Variants in DLG2 observed in about 807,000 individuals in gnomAD.
DLG2 encodes discs large MAGUK scaffold protein 2.
DLG2 carries 45 observed loss-of-function variants against 132.5 expected under a neutral mutation model. That is an observed-to-expected ratio of 0.34 (90% CI 0.27 to 0.44). The LOEUF is 0.44. Ranked by LOEUF, DLG2 falls within the 20% of genes least tolerant of loss-of-function variation. DLG2 has a pLI of 1.00. For synonymous variants in DLG2, 424 were observed against 419.6 expected, an observed-to-expected ratio of 1.01 and a Z score of -0.13; for missense variants, 1,045 against 1,196.9, an observed-to-expected ratio of 0.87 and a Z score of 1.87.
chr11:85,230,515 A>C (rs1395852241), intron 4 of DLG2, among the ~76,000 whole-genome samples: 2 of 151,718 alleles, frequency 1.3e-5, no homozygotes, highest in African/African-American at 2.4e-5. Flanking sequence ...TTCTAGGATG[A>C]CTTTTTTCTT....
At chr11:84,905,993 C>T (rs1453338040) in intron 6 of DLG2, among the ~76,000 whole-genome samples, 1 of 152,126 alleles carries the variant, frequency 6.6e-6, no homozygotes, top group Non-Finnish European at 1.5e-5. Context: ...GTATAAACCT[C>T]ATCTGGCAGT....
At chr11:84,529,606 A>C (rs531207499) in intron 7 of DLG2, among the ~76,000 whole-genome samples, 7 of 152,332 alleles carry the variant, frequency 4.6e-5, no homozygotes, top group South Asian at 2.1e-4. Context: ...AGATCTCTAC[A>C]ACACGGATGA....
At chr11:85,247,859 T>G (rs1490133748) in intron 4 of DLG2, among the ~76,000 whole-genome samples, 1 of 152,112 alleles carries the variant, frequency 6.6e-6, no homozygotes, top group Non-Finnish European at 1.5e-5. Context: ...GATCCTTCTA[T>G]TTCAATGTCT....
At chr11:83,840,764 G>A (rs2057354488) in intron 16 of DLG2, among the ~76,000 whole-genome samples, 2 of 152,240 alleles carry the variant, frequency 1.3e-5, no homozygotes, top group South Asian at 2.1e-4. Context: ...CTGCCAGTGT[G>A]AGACTCTGCC....
intron 3 of DLG2, among the ~76,000 whole-genome samples, chr11:85,458,643 C>T (rs1467644135): frequency 6.6e-6 from 1 of 152,132 alleles, no homozygotes; most frequent in Non-Finnish European, 1.5e-5. Flanking sequence ...TGTGCAAGGT[C>T]TTATTTGTAG....
chr11:84,466,792 C>T (rs2099095583), intron 7 of DLG2, among the ~76,000 whole-genome samples: 1 of 151,222 alleles, frequency 6.6e-6, no homozygotes, highest in African/African-American at 2.4e-5. Context: ...TATAGCCATA[C>T]CTCTGTAAAT....
chr11:84,864,540 C>T (rs1429513127), intron 6 of DLG2, among the ~76,000 whole-genome samples: 2 of 152,088 alleles, frequency 1.3e-5, no homozygotes, highest in Non-Finnish European at 2.9e-5. Context: ...CCATTGCCAC[C>T]ATATTTGCAC....
intron 6 of DLG2, among the ~76,000 whole-genome samples, chr11:84,725,646 T>C (rs2062357826): frequency 6.6e-6 from 1 of 152,096 alleles, no homozygotes; most frequent in African/African-American, 2.4e-5. Context: ...CGAACAAATA[T>C]ACTCAAAGTC....
chr11:83,461,328 G>A (rs1051944467), intron 27 of DLG2, among the ~76,000 whole-genome samples: 2 of 151,878 alleles, frequency 1.3e-5, no homozygotes, highest in Admixed American at 6.6e-5. Flanking sequence ...TTAAACCTCC[G>A]GGAACCAGGT....
Position 85,185,425 on chromosome 11 carries a change from G to A in DLG2, c.187-30774C>T, listed in dbSNP as rs897944285. Among the ~76,000 whole-genome samples the A allele has an allele frequency of 5.3e-5, 8 of 151,960 alleles. 1 individual carries two copies. The South Asian group carries it at 6.2e-4, about 12-fold the overall frequency. The stretch of plus-strand genomic sequence containing the variant: ...GGAAGTCTTCCACTAATTTATGCAC[G>A]CACACTTTTCTTTTAGTAGCATAAC... On this transcript the variant is annotated intron_variant, in intron 4 of 27. Coordinates refer to ENST00000376104, the MANE Select transcript of DLG2 (RefSeq NM_001142699.3).
chr11:84,256,347 G>A (rs899279330), intron 7 of DLG2, among the ~76,000 whole-genome samples: 1 of 152,170 alleles, frequency 6.6e-6, no homozygotes, highest in African/African-American at 2.4e-5. Context: ...GGCAGGAAAT[G>A]TAGAGTAGCT....
chr11:83,823,451 A>G (rs2051443885), intron 17 of DLG2, among the ~76,000 whole-genome samples: 1 of 152,188 alleles, frequency 6.6e-6, no homozygotes, highest in Non-Finnish European at 1.5e-5. Context: ...TTTCTGATCT[A>G]TAGGAATTCC....
chr11:84,886,132 A>C (rs941352903), intron 6 of DLG2, among the ~76,000 whole-genome samples: 4 of 152,156 alleles, frequency 2.6e-5, no homozygotes, highest in African/African-American at 7.2e-5. Flanking sequence ...TGGGAAGGTC[A>C]GGAAAAGCTT....
intron 18 of DLG2, among the ~76,000 whole-genome samples, chr11:83,652,480 C>A (rs1428019639): frequency 2.0e-5 from 3 of 152,164 alleles, no homozygotes; most frequent in African/African-American, 7.2e-5. Flanking sequence ...AAGCGTTTCT[C>A]CCACCAAAGC....
Position 83,945,934 on chromosome 11 carries a change from GTCCT to G in DLG2, c.1341-15455_1341-15452del, listed in dbSNP as rs760832594. On this transcript the variant is annotated intron_variant, in intron 14 of 27. Coordinates refer to ENST00000376104, the MANE Select transcript of DLG2 (RefSeq NM_001142699.3). ...TTTCCTTCTTTCCTTCCTTCCTTCCGTCCTTCCTTCCTTCCTTCCTTTCCTTCCT... is the reference window on the plus strand; with the variant it reads ...TTTCCTTCTTTCCTTCCTTCCTTCCGTCCTTCCTTCCTTCCTTTCCTTCCT... Among the ~76,000 whole-genome samples, 53 of 136,056 alleles carry G rather than the reference GTCCT, an allele frequency of 3.9e-4. 1 individual carries two copies. The highest frequency in any genetic ancestry group is 5.0e-4 in the Non-Finnish European group (32 of 63,496). The allele number at this position is 136,056 out of a possible 152,430, so 89.3% of individuals were successfully genotyped here. A position where few individuals can be genotyped will look rare whatever the true frequency, so the allele number is the denominator to read the frequency against.
intron 20 of DLG2, among the ~76,000 whole-genome samples, chr11:83,539,196 GA>G (rs1160879970): frequency 2.6e-5 from 4 of 152,058 alleles, no homozygotes; most frequent in African/African-American, 9.7e-5. Context: ...ACCATCTTCA[GA>G]AAAAAGGAGG....
At chr11:85,409,598 C>T (rs1002978878) in intron 3 of DLG2, among the ~76,000 whole-genome samples, 2 of 151,610 alleles carry the variant, frequency 1.3e-5, no homozygotes, top group African/African-American at 2.4e-5. Flanking sequence ...TATTGTAGTC[C>T]GGTTACACAT....
intron 6 of DLG2, among the ~76,000 whole-genome samples, chr11:84,750,057 A>G (rs2065907334): frequency 6.6e-6 from 1 of 152,194 alleles, no homozygotes; most frequent in African/African-American, 2.4e-5. Context: ...AATATATGCC[A>G]CCTTTTTCAT....
intron 18 of DLG2, among the ~76,000 whole-genome samples, chr11:83,692,765 C>G (rs1265208119): frequency 6.6e-6 from 1 of 152,138 alleles, no homozygotes; most frequent in African/African-American, 2.4e-5. Context: ...AACTCATTTC[C>G]TCTTCTCCTA....
Sources: allele counts gnomAD v4.1 joint callset (sites outside exome capture counted in the v4.1 genomes callset), GRCh38; gene constraint gnomAD v4.1.1; transcripts MANE v1.5; gene names NCBI Gene and HGNC (gene_info 2026-07-23, HGNC 2026-07-21).